Variants in CLEC2A observed in about 807,000 individuals in gnomAD.
The protein encoded by CLEC2A is C-type lectin domain family 2 member A, also known as keratinocyte-associated C-type lectin.
In CLEC2A, 19 loss-of-function variants were observed where a neutral mutation model predicts 18.6. That is an observed-to-expected ratio of 1.02 (90% CI 0.71 to 1.50). The LOEUF is 1.50. Ranked by LOEUF, CLEC2A falls within the 40% of genes most tolerant of loss-of-function variation. The pLI, the probability that CLEC2A is intolerant of heterozygous loss-of-function variation, is 0.00. For synonymous variants in CLEC2A, 74 were observed against 64.0 expected, an observed-to-expected ratio of 1.16 and a Z score of -0.75; for missense variants, 190 against 207.9, an observed-to-expected ratio of 0.91 and a Z score of 0.53.
chr12:9,886,981 C>A, the CLEC2A span, among the ~76,000 whole-genome samples: 7 of 151,646 alleles, frequency 4.6e-5, no homozygotes, highest in Admixed American at 4.6e-4. Context: ...TGGTAGCTAA[C>A]CAAATATCCC....
the CLEC2A span, chr12:9,888,812 C>G: frequency 1.5e-6 from 2 of 1,355,074 alleles, no homozygotes; most frequent in African/African-American, 2.9e-5. Context: ...ATGTGCTACT[C>G]TTAGGGGTAA....
chr12:9,896,003 AC>A (rs1334226717), downstream of CLEC2A, among the ~76,000 whole-genome samples: 1 of 152,222 alleles, frequency 6.6e-6, no homozygotes, highest in Non-Finnish European at 1.5e-5. Context: ...TCTGAACAGA[AC>A]TTTTACTCTA....
At chr12:9,918,833 T>C (rs1456540262) in intron 3 of CLEC2A, among the ~76,000 whole-genome samples, 2 of 152,236 alleles carry the variant, frequency 1.3e-5, no homozygotes, top group Non-Finnish European at 2.9e-5. Context: ...GGTGTCAATT[T>C]AACTGCAGTG....
At chr12:9,880,947 A>G in the CLEC2A span, among the ~76,000 whole-genome samples, 1 of 152,214 alleles carries the variant, frequency 6.6e-6, no homozygotes, top group Non-Finnish European at 1.5e-5. Flanking sequence ...GACACAAAAT[A>G]AACTGCCACA....
chr12:9,893,516 G>C, the CLEC2A span: 2 of 1,498,992 alleles, frequency 1.3e-6, no homozygotes, highest in Non-Finnish European at 1.8e-6. Flanking sequence ...GATGTGGATA[G>C]ATGAACACTT....
chr12:9,927,389 A>G (rs532804427), intron 1 of CLEC2A, among the ~76,000 whole-genome samples: 4 of 152,194 alleles, frequency 2.6e-5, no homozygotes, highest in Non-Finnish European at 2.9e-5. Flanking sequence ...TTGTTATGCA[A>G]TCTGTCATTG....
Position 9,929,542 on chromosome 12 carries a change from ACTTT to A in CLEC2A, c.55+2729_55+2732del, listed in dbSNP as rs1033088580. Among the ~76,000 whole-genome samples, 10 of 152,110 alleles carry A rather than the reference ACTTT, an allele frequency of 6.6e-5. 1 individual carries two copies. Among genetic ancestry groups the A allele is most frequent in the Admixed American group, 3.9e-4 (6 of 15,282 alleles). On this transcript the variant is annotated intron_variant, in intron 1 of 4. Coordinates refer to ENST00000455827, the MANE Select transcript of CLEC2A (RefSeq NM_001130711.2). ...ATGCACTTACTGAATAATTGTGTGGACTTTCTTTCAAAAAATTTTAATATTTTTT... is the reference window on the plus strand; with the variant it reads ...ATGCACTTACTGAATAATTGTGTGGACTTTCAAAAAATTTTAATATTTTTT...
downstream of CLEC2A, among the ~76,000 whole-genome samples, chr12:9,909,538 G>A (rs982321503): frequency 2.6e-5 from 4 of 152,138 alleles, no homozygotes; most frequent in East Asian, 1.9e-4. Flanking sequence ...ATCTCACAGC[G>A]GCTTGAGTTC....
chr12:9,920,465 T>C (rs775999570), intron 3 of CLEC2A, among the ~76,000 whole-genome samples: 1 of 152,096 alleles, frequency 6.6e-6, no homozygotes, highest in African/African-American at 2.4e-5. Context: ...GTTCCAGGGG[T>C]TGCACATTCA....
chr12:9,884,988 T>G, the CLEC2A span: 11 of 1,345,536 alleles, frequency 8.2e-6, no homozygotes, highest in Non-Finnish European at 1.1e-5. Context: ...GGATGCATTG[T>G]GATCCTTATA....
At chr12:9,907,837 G>A (rs61913470) in intron 4 of CLEC2A, among the ~76,000 whole-genome samples, 8,097 of 152,202 alleles carry the variant, frequency 0.053, 275 homozygotes, top group Non-Finnish European at 0.073. Flanking sequence ...AATATGTCCC[G>A]ACTGTCCTCA....
At chr12:9,891,457 C>A in the CLEC2A span, among the ~76,000 whole-genome samples, 2 of 152,146 alleles carry the variant, frequency 1.3e-5, no homozygotes, top group African/African-American at 4.8e-5. Context: ...TTGTGTCTGG[C>A]AGCACTCCAG....
the CLEC2A span, chr12:9,892,942 G>A: frequency 8.8e-7 from 1 of 1,131,994 alleles, no homozygotes; most frequent in Non-Finnish European, 1.2e-6. Context: ...TATTTTCCAA[G>A]TAGTCACATT....
At chr12:9,892,939 C>T in the CLEC2A span, 6 of 1,160,686 alleles carry the variant, frequency 5.2e-6, no homozygotes, top group African/African-American at 4.7e-5. Context: ...ATCTATTTTC[C>T]AAGTAGTCAC....
At chr12:9,882,814 G>A in the CLEC2A span, among the ~76,000 whole-genome samples, 24 of 151,970 alleles carry the variant, frequency 1.6e-4, no homozygotes, top group African/African-American at 5.5e-4. Context: ...AGACCCTAAA[G>A]CCCACAGACT....
At chr12:9,916,858 G>A in intron 3 of CLEC2A, 55 bp from the exon 4 acceptor site, 1 of 1,028,854 alleles carries the variant, frequency 9.7e-7, no homozygotes, top group Non-Finnish European at 1.5e-6. Context: ...GCACATTGCT[G>A]AACATGCTTC....
chr12:9,891,095 G>T, the CLEC2A span, among the ~76,000 whole-genome samples: 1 of 150,382 alleles, frequency 6.6e-6, no homozygotes, highest in South Asian at 2.1e-4. Flanking sequence ...GTCATGGTTG[G>T]GCACAATTTC....
At chr12:9,922,714 C>T (rs775118832) in intron 2 of CLEC2A, among the ~76,000 whole-genome samples, 5 of 152,120 alleles carry the variant, frequency 3.3e-5, no homozygotes, top group Admixed American at 2.0e-4. Context: ...TCATTTACAT[C>T]CAGTGCTGAA....
At chr12:9,895,578 A>G (rs978900782), downstream of CLEC2A, 111 of 1,009,562 alleles carry the variant, frequency 1.1e-4, no homozygotes, top group African/African-American at 1.4e-3. Context: ...AAACCTCTGC[A>G]AAACTTTGGC....
Sources: allele counts gnomAD v4.1 joint callset (sites outside exome capture counted in the v4.1 genomes callset), GRCh38; gene constraint gnomAD v4.1.1; transcripts MANE v1.5; gene names NCBI Gene and HGNC (gene_info 2026-07-23, HGNC 2026-07-21).